Variants in TET3 observed in about 807,000 individuals in gnomAD.
TET3 encodes tet methylcytosine dioxygenase 3.
A neutral mutation model predicts 141.4 loss-of-function variants in TET3; 19 were observed. The observed-to-expected ratio is 0.13, with a 90% CI of 0.09 to 0.20. The LOEUF (loss-of-function observed/expected upper bound fraction) is 0.20, where lower values mean the gene tolerates loss of function less well. TET3 is among the 10% of genes least tolerant of loss of function. TET3 has a pLI of 1.00. For synonymous variants in TET3, 1,043 were observed against 980.9 expected (o/e 1.06, Z -1.18); for missense variants, 1,874 against 2,356.9 (o/e 0.80, Z 4.24).
chr2:74,135,383 AC>A, the TET3 span: 1 of 798,616 alleles, frequency 1.3e-6, no homozygotes, highest in Non-Finnish European at 2.0e-6. Context: ...AAATAAAGGA[AC>A]CTGAAACATT....
chr2:74,118,461 G>A, the TET3 span, among the ~76,000 whole-genome samples: 2 of 152,104 alleles, frequency 1.3e-5, no homozygotes, highest in African/African-American at 2.4e-5. Context: ...TTTTCATTAC[G>A]ATTTTCTTAA....
chr2:74,022,237 C>A (rs1573712893), intron 3 of TET3, among the ~76,000 whole-genome samples: 3 of 151,234 alleles, frequency 2.0e-5, no homozygotes, highest in African/African-American at 7.3e-5. Flanking sequence ...ATTTGCAAAT[C>A]TTTCCTTGCT....
At chr2:74,039,115 G>A (rs1426833749) in intron 3 of TET3, among the ~76,000 whole-genome samples, 2 of 152,134 alleles carry the variant, frequency 1.3e-5, no homozygotes, top group African/African-American at 4.8e-5. Context: ...CTCCTGAGAT[G>A]TAAATCTGCT....
At chr2:74,070,387 G>A (rs1689139182) in intron 4 of TET3, among the ~76,000 whole-genome samples, 1 of 152,166 alleles carries the variant, frequency 6.6e-6, no homozygotes, top group Non-Finnish European at 1.5e-5. Flanking sequence ...TCACTACCAT[G>A]AGAACAGTAT....
In TET3 at chr2:74,078,130, G is replaced by A. The variant is rs561843871; in HGVS notation, c.2586-2368G>A. 7.2e-5 allele frequency among the ~76,000 whole-genome samples: 11 copies of A among 152,174 alleles called. No individual in the cohort carries two copies. In the South Asian group the frequency reaches 1.9e-3, roughly 26 times the overall value. On this transcript the variant is annotated intron_variant, in intron 5 of 11. Coordinates refer to ENST00000409262, the MANE Select transcript of TET3 (RefSeq NM_001287491.2). ...GAAATAGAGAACATGGAACTCAGAG[G>A]AACCTTAGATCAGCATTTTAAAAAA...
chr2:74,109,211 A>G (rs923679316), downstream of TET3, among the ~76,000 whole-genome samples: 2 of 152,176 alleles, frequency 1.3e-5, no homozygotes, highest in Non-Finnish European at 2.9e-5. Flanking sequence ...TGGTTTCACT[A>G]TTGGTTAGCT....
At chr2:74,095,235 C>T (rs1690753761) in intron 10 of TET3, among the ~76,000 whole-genome samples, 1 of 152,170 alleles carries the variant, frequency 6.6e-6, no homozygotes, top group African/African-American at 2.4e-5. Flanking sequence ...TTTTCTATCA[C>T]TGCATCCAAG....
chr2:74,056,049 T>C (rs765386094), intron 4 of TET3, among the ~76,000 whole-genome samples: 1 of 152,246 alleles, frequency 6.6e-6, no homozygotes, highest in South Asian at 2.1e-4. Flanking sequence ...GGGGCAATTA[T>C]ATAGGATTGT....
At chr2:74,048,741 A>C (rs967160009) in intron 4 of TET3, among the ~76,000 whole-genome samples, 2 of 152,210 alleles carry the variant, frequency 1.3e-5, no homozygotes, top group African/African-American at 2.4e-5. Flanking sequence ...ACATTCTAGA[A>C]GAGGGAGTAG....
Position 74,092,786 on chromosome 2 carries a change from A to G in TET3, c.3040-116A>G, listed in dbSNP as rs1690580380. ...GAAGGAAAGGCCAGAAAGACACCTG[A>G]TAACACCTCCCTCCCAGCCTCCCCC... On this transcript the variant is annotated intron_variant, in intron 8 of 11. Transcript: ENST00000409262. 1.0e-5 allele frequency: 9 copies of G among 873,726 alleles called. No individual in the cohort carries two copies. The South Asian group carries it at 1.1e-4, about 10-fold the overall frequency. The allele number at this position is 873,726 out of a possible 1,614,324, so 54.1% of individuals were successfully genotyped here. A position where few individuals can be genotyped will look rare whatever the true frequency, so the allele number is the denominator to read the frequency against.
At chr2:74,078,076 G>C (rs9309478) in intron 5 of TET3, among the ~76,000 whole-genome samples, 53,293 of 152,058 alleles carry the variant, frequency 0.35, 10,786 homozygotes, top group African/African-American at 0.56. Flanking sequence ...ATCAGAAACA[G>C]TTTTCATCCT....
chr2:74,038,052 A>G (rs1296525270), intron 3 of TET3, among the ~76,000 whole-genome samples: 1 of 152,102 alleles, frequency 6.6e-6, no homozygotes, highest in Non-Finnish European at 1.5e-5. Flanking sequence ...ATGCCTGCAG[A>G]TGTCTGGAGG....
Position 74,047,773 on chromosome 2 carries a change from C to G in TET3, c.1856C>G (p.Pro619Arg). The G allele has an allele frequency of 6.2e-7, 1 of 1,613,814 alleles. No homozygotes were observed. The highest frequency in any genetic ancestry group is 8.5e-7 in the Non-Finnish European group (1 of 1,179,822). ...AAGTCCAGGCCCCGGGAAGCACAGC[C>G]CCTCTTCCCACCTGTCCGACAGATT... ...IKKSRPREAQ[P>R]LFPPVRQIVL... The change falls in exon 4 of 12, where the codon CCC becomes CGC. Residue 619 changes from proline (P) to arginine (R), a missense_variant. Around this residue, in one of 10 missense-constraint regions of TET3, gnomAD observed 484 missense variants for 462.2 expected, o/e 1.05. Coordinates refer to ENST00000409262, the MANE Select transcript of TET3 (RefSeq NM_001287491.2).
At chr2:74,001,523 G>C (rs371964251) in intron 2 of TET3, among the ~76,000 whole-genome samples, 24 of 152,238 alleles carry the variant, frequency 1.6e-4, no homozygotes, top group African/African-American at 5.5e-4. Flanking sequence ...CGAGAGGTAA[G>C]TTACAACCAG....
chr2:74,037,583 T>A (rs1005972823), intron 3 of TET3, among the ~76,000 whole-genome samples: 14 of 152,198 alleles, frequency 9.2e-5, no homozygotes, highest in Non-Finnish European at 1.9e-4. Flanking sequence ...GAGAATTCGC[T>A]TCAGGAGATT....
At chr2:74,062,810 C>T (rs549554708) in intron 4 of TET3, among the ~76,000 whole-genome samples, 1 of 151,330 alleles carries the variant, frequency 6.6e-6, no homozygotes, top group South Asian at 2.1e-4. Flanking sequence ...GTTAGTAAAC[C>T]TTGTTTCACT....
intron 3 of TET3, among the ~76,000 whole-genome samples, chr2:74,045,145 G>A (rs1687548982): frequency 2.0e-5 from 3 of 152,172 alleles, no homozygotes; most frequent in Admixed American, 1.3e-4. Context: ...TATGTGAGTG[G>A]TGTTAAGTCA....
chr2:74,034,247 G>GTT (rs71406852), intron 3 of TET3, among the ~76,000 whole-genome samples: 48 of 143,814 alleles, frequency 3.3e-4, no homozygotes, highest in Non-Finnish European at 5.8e-4. Context: ...CTGTATTATA[G>GTT]TTTTTTTTTT....
chr2:74,133,990 C>G, the TET3 span, among the ~76,000 whole-genome samples: 13 of 152,196 alleles, frequency 8.5e-5, no homozygotes, highest in South Asian at 1.0e-3. Context: ...TGATCCCCCC[C>G]CCTCGGCCTC....
Sources: allele counts gnomAD v4.1 joint callset (sites outside exome capture counted in the v4.1 genomes callset), GRCh38; gene constraint gnomAD v4.1.1; regional missense constraint gnomAD v4.1.1; transcripts MANE v1.5; gene names NCBI Gene and HGNC (gene_info 2026-07-23, HGNC 2026-07-21).